The following KCNIP4 variants were observed in gnomAD, a reference collection of about 807,000 sequenced individuals.
The protein encoded by KCNIP4 is Kv channel-interacting protein 4.
Under a neutral mutation model 34.0 loss-of-function variants are expected in KCNIP4, and 12 were observed. That is an observed-to-expected ratio of 0.35 (90% CI 0.23 to 0.57). The LOEUF (loss-of-function observed/expected upper bound fraction) is 0.57, where lower values mean the gene tolerates loss of function less well. KCNIP4 is among the 20% of genes least tolerant of loss of function. The pLI, the probability that KCNIP4 is intolerant of heterozygous loss-of-function variation, is 0.83. For missense variants in KCNIP4, 238 were observed against 311.7 expected (o/e 0.76, Z 1.78); for synonymous variants, 124 against 102.2 (o/e 1.21, Z -1.29).
chr4:21,853,448 C>G (rs759553178), intron 1 of KCNIP4, among the ~76,000 whole-genome samples: 1 of 152,264 alleles, frequency 6.6e-6, no homozygotes, highest in South Asian at 2.1e-4. Context: ...TTTCTTCCTA[C>G]TTATTAGAGA....
At chr4:21,440,600 C>T (rs374273967) in intron 1 of KCNIP4, among the ~76,000 whole-genome samples, 4 of 152,168 alleles carry the variant, frequency 2.6e-5, no homozygotes, top group African/African-American at 4.8e-5. Context: ...ATTGGGCGTC[C>T]GCCGGATGGA....
intron 1 of KCNIP4, among the ~76,000 whole-genome samples, chr4:21,039,413 A>G (rs1352585040): frequency 6.6e-6 from 1 of 151,836 alleles, no homozygotes; most frequent in Non-Finnish European, 1.5e-5. Flanking sequence ...AAGAGAGAGT[A>G]GCCAGAAATA....
chr4:21,798,771 C>T (rs1423122646), intron 1 of KCNIP4, among the ~76,000 whole-genome samples: 1 of 151,828 alleles, frequency 6.6e-6, no homozygotes, highest in African/African-American at 2.4e-5. Context: ...GTTTTGTATT[C>T]CTGCACACTT....
In KCNIP4 at chr4:21,099,277, AC is replaced by A. The variant is rs201208328; in HGVS notation, c.62-216569del. Reference sequence around the variant, plus strand: ...ATGTGGTACATATAAACCATGGAATACTATGCAGCCATAAAAATGAATAAGA... The same window carrying A: ...ATGTGGTACATATAAACCATGGAATATATGCAGCCATAAAAATGAATAAGA... On this transcript the variant is annotated intron_variant, in intron 1 of 8. Transcript: ENST00000382152. Among the ~76,000 whole-genome samples, 805 of 152,364 alleles carry A rather than the reference AC, an allele frequency of 5.3e-3. 26 individuals are homozygous for A. The East Asian group carries it at 0.1, about 19-fold the overall frequency.
intron 1 of KCNIP4, among the ~76,000 whole-genome samples, chr4:20,911,810 C>T (rs1490133981): frequency 3.9e-5 from 6 of 152,082 alleles, no homozygotes; most frequent in Non-Finnish European, 5.9e-5. Flanking sequence ...TTTACAAGTC[C>T]GTCAAACAGA....
At chr4:21,541,224 A>G (rs1737667549) in intron 1 of KCNIP4, among the ~76,000 whole-genome samples, 1 of 151,836 alleles carries the variant, frequency 6.6e-6, no homozygotes, top group Non-Finnish European at 1.5e-5. Context: ...TGAAAAAATT[A>G]CAGAGATCCT....
At chr4:21,269,819 G>A (rs1762033566) in intron 1 of KCNIP4, among the ~76,000 whole-genome samples, 1 of 152,126 alleles carries the variant, frequency 6.6e-6, no homozygotes, top group Non-Finnish European at 1.5e-5. Context: ...CAGCTGCATA[G>A]AAAGAACAGG....
chr4:21,308,117 T>C (rs1356488359), intron 1 of KCNIP4, among the ~76,000 whole-genome samples: 1 of 152,214 alleles, frequency 6.6e-6, no homozygotes, highest in African/African-American at 2.4e-5. Context: ...TCCAATATAT[T>C]TTCTTCCTGT....
At chr4:21,903,795 T>C (rs1009740371) in intron 1 of KCNIP4, among the ~76,000 whole-genome samples, 2 of 152,138 alleles carry the variant, frequency 1.3e-5, no homozygotes, top group Non-Finnish European at 2.9e-5. Context: ...CTTCGAGTAA[T>C]ATAAATCCCA....
intron 1 of KCNIP4, among the ~76,000 whole-genome samples, chr4:21,903,355 C>A (rs1415762582): frequency 6.6e-6 from 1 of 152,054 alleles, no homozygotes; most frequent in East Asian, 1.9e-4. Context: ...TCAAGTCAAT[C>A]TGAAGCCAAA....
At chr4:21,513,013 G>A (rs534686644) in intron 1 of KCNIP4, among the ~76,000 whole-genome samples, 3 of 152,190 alleles carry the variant, frequency 2.0e-5, no homozygotes, top group South Asian at 2.1e-4. Context: ...TGGAGTAAGC[G>A]GAAGATAAAT....
intron 3 of KCNIP4, among the ~76,000 whole-genome samples, chr4:20,828,159 T>A (rs1717990769): frequency 6.6e-6 from 1 of 152,218 alleles, no homozygotes; most frequent in Non-Finnish European, 1.5e-5. Flanking sequence ...TCAGGCGCGG[T>A]GGCTCAAGCC....
intron 1 of KCNIP4, among the ~76,000 whole-genome samples, chr4:21,429,679 G>T (rs907304440): frequency 6.6e-6 from 1 of 152,130 alleles, no homozygotes; most frequent in African/African-American, 2.4e-5. Context: ...CTAGTGATGT[G>T]TGTAATAGTG....
chr4:21,070,602 G>A (rs1298738246), intron 1 of KCNIP4, among the ~76,000 whole-genome samples: 1 of 142,674 alleles, frequency 7.0e-6, no homozygotes, highest in Non-Finnish European at 1.5e-5. Context: ...GATTAAGTAT[G>A]TGTTCATATC....
At chr4:20,920,614 G>A (rs2149585658) in intron 1 of KCNIP4, among the ~76,000 whole-genome samples, 1 of 152,300 alleles carries the variant, frequency 6.6e-6, no homozygotes, top group South Asian at 2.1e-4. Context: ...TATGAGACAT[G>A]CACAGTACAT....
intron 1 of KCNIP4, among the ~76,000 whole-genome samples, chr4:21,505,093 T>C (rs1733722307): frequency 1.3e-5 from 2 of 152,332 alleles, no homozygotes; most frequent in Admixed American, 1.3e-4. Flanking sequence ...CTCCATCTAA[T>C]GAGCATTGAG....
chr4:20,981,527 A>G (rs1736063122), intron 1 of KCNIP4, among the ~76,000 whole-genome samples: 1 of 152,330 alleles, frequency 6.6e-6, no homozygotes, highest in South Asian at 2.1e-4. Flanking sequence ...TAGGAAAAGC[A>G]CTGTGTAGGA....
At chr4:21,344,741 G>A (rs1286974241) in intron 1 of KCNIP4, among the ~76,000 whole-genome samples, 1 of 152,044 alleles carries the variant, frequency 6.6e-6, no homozygotes, top group Non-Finnish European at 1.5e-5. Flanking sequence ...TTCCAGAAAA[G>A]GAAATTAAAG....
At chr4:21,376,377 G>C (rs891394871) in intron 1 of KCNIP4, among the ~76,000 whole-genome samples, 56 of 131,688 alleles carry the variant, frequency 4.3e-4, no homozygotes, top group African/African-American at 1.5e-3. Flanking sequence ...AGATTTGGAT[G>C]CTAGCATGAT....
Sources: gnomAD v4.1 joint callset for allele counts (sites outside exome capture counted in the v4.1 genomes callset) on GRCh38, gnomAD v4.1.1 for gene constraint, MANE v1.5 for transcripts, NCBI Gene and HGNC (gene_info 2026-07-23, HGNC 2026-07-21) for gene names.